Variants in IP6K3 observed in about 807,000 individuals in gnomAD.
The protein encoded by IP6K3 is inositol hexakisphosphate kinase 3, also known as ATP:1D-myo-inositol-hexakisphosphate phosphotransferase.
Under a neutral mutation model 28.8 loss-of-function variants are expected in IP6K3, and 20 were observed. That is an observed-to-expected ratio of 0.70 (90% CI 0.49 to 1.01). The LOEUF (loss-of-function observed/expected upper bound fraction) is 1.01, where lower values mean the gene tolerates loss of function less well. IP6K3 is among the 50% of genes least tolerant of loss of function. The probability of loss-of-function intolerance (pLI) is 0.00; values close to 1 mark genes in which losing one functional copy is unlikely to be tolerated. For missense variants in IP6K3, 480 were observed against 537.1 expected (o/e 0.89, Z 1.05); for synonymous variants, 213 against 221.3 (o/e 0.96, Z 0.33).
At chr6:33,724,594 G>C (rs74391566) in intron 5 of IP6K3, among the ~76,000 whole-genome samples, 1,580 of 152,310 alleles carry the variant, frequency 0.01, 25 homozygotes, top group South Asian at 0.035. Flanking sequence ...CAGGTTATGA[G>C]CTTCCCACTT....
chr6:33,733,406 C>T (rs1168055608), intron 2 of IP6K3, among the ~76,000 whole-genome samples: 2 of 152,078 alleles, frequency 1.3e-5, no homozygotes, highest in Non-Finnish European at 2.9e-5. Flanking sequence ...GGCTCATGGC[C>T]GTTGCAGATG....
rs1582198977 is a variant in IP6K3, at chr6:33,725,509, C to G, written c.697G>C (p.Ala233Pro). 3 of 1,613,812 alleles carry G rather than the reference C, an allele frequency of 1.9e-6. No individual in the cohort carries two copies. In the African/African-American group the frequency reaches 4.0e-5, roughly 22 times the overall value. Residue 233 changes from alanine (A) to proline (P), a missense_variant, in exon 5 of 6, where the codon GCC becomes CCC. By Grantham distance (27) the Ala-to-Pro change is conservative (BLOSUM62 -1). Transcript: ENST00000293756. Reference protein sequence around the residue: ...HGDDASEEKKARHMRKCAQST... With the variant: ...HGDDASEEKKPRHMRKCAQST... Reference sequence around the variant, plus strand: ...TGCGCACACTTCCTCATGTGGCGGGCCTTCTTCTCCTCCGATGCATCATCG... The same window carrying G: ...TGCGCACACTTCCTCATGTGGCGGGGCTTCTTCTCCTCCGATGCATCATCG...
At chr6:33,730,962 T>C (rs1766300480) in intron 2 of IP6K3, among the ~76,000 whole-genome samples, 1 of 151,972 alleles carries the variant, frequency 6.6e-6, no homozygotes, top group Non-Finnish European at 1.5e-5. Flanking sequence ...TCAGGGAGGG[T>C]CGTCAGCGCT....
upstream of IP6K3, among the ~76,000 whole-genome samples, chr6:33,748,365 A>G (rs1221833403): frequency 1.3e-5 from 2 of 151,760 alleles, no homozygotes; most frequent in Non-Finnish European, 2.9e-5. Flanking sequence ...GGTGGACTGA[A>G]CCCATTCTCC....
the IP6K3 span, among the ~76,000 whole-genome samples, chr6:33,757,964 G>A: frequency 6.6e-6 from 1 of 152,172 alleles, no homozygotes; most frequent in Non-Finnish European, 1.5e-5. Context: ...CTCAGATAAT[G>A]CCCTCCACCA....
At chr6:33,753,832 AGAGTCTCGCTGTGTC>A in the IP6K3 span, among the ~76,000 whole-genome samples, 1 of 151,748 alleles carries the variant, frequency 6.6e-6, no homozygotes, top group East Asian at 1.9e-4. Flanking sequence ...TTTTTGAGAC[AGAGTCTCGCTGTGTC>A]GTGCAGGCTG....
At position 33,730,515 on chromosome 6, in the gene IP6K3, C is replaced by A. The variant is rs147561117; in HGVS notation, c.200-2215G>T. Among the ~76,000 whole-genome samples, 499 of 152,312 alleles carry A rather than the reference C, an allele frequency of 3.3e-3. 2 individuals carry two copies. Among genetic ancestry groups the A allele is most frequent in the African/African-American group, 0.01 (428 of 41,568 alleles). The stretch of plus-strand genomic sequence containing the variant: ...CCTGAACCTGGCATTTTACCATTCA[C>A]CTGCCACTAGCGTCCACCCCTAGGC... On this transcript the variant is annotated intron_variant, in intron 2 of 5. Transcript: ENST00000293756.
chr6:33,754,910 T>A, the IP6K3 span, among the ~76,000 whole-genome samples: 1 of 152,208 alleles, frequency 6.6e-6, no homozygotes, highest in Non-Finnish European at 1.5e-5. Flanking sequence ...CCAGTAACTT[T>A]GTGAGGAAAG....
At position 33,735,400 on chromosome 6, in the gene IP6K3, C is replaced by G. The variant is rs1352148975; in HGVS notation, c.77G>C (p.Gly26Ala). 2 of 1,607,796 alleles carry G rather than the reference C, an allele frequency of 1.2e-6. No individual in the cohort carries two copies. The highest frequency in any genetic ancestry group is 1.1e-5 in the South Asian group (1 of 90,240). The change falls in exon 2 of 6, where the codon GGG (glycine) becomes GCG (alanine). Residue 26 changes from glycine to alanine, a missense_variant. Coordinates refer to ENST00000293756, the MANE Select transcript of IP6K3 (RefSeq NM_054111.5). ...ATACTTCATCACGCTCATGTGCCCC[C>G]CGACCTGGTGCAGGAAGGGCTCCAG... ...VQLEPFLHQVGGHMSVMKYDE... is the reference protein window; with the variant it reads ...VQLEPFLHQVAGHMSVMKYDE...
Position 33,722,500 on chromosome 6 carries a change from G to A in IP6K3, c.*220C>T, listed in dbSNP as rs1765936767. ...ACTTTATCCTGGCTGTCTGTTCTCC[G>A]ATGAGCAGCATTAGAGCATAATGCC... On this transcript the variant is annotated 3_prime_UTR_variant, in exon 6 of 6. Coordinates refer to ENST00000293756, the MANE Select transcript of IP6K3 (RefSeq NM_054111.5). 4 of 413,660 alleles carry A rather than the reference G, an allele frequency of 9.7e-6. No individual in the cohort carries two copies. The highest frequency in any genetic ancestry group is 9.6e-5 in the South Asian group (2 of 20,822). 25.6% of individuals were successfully genotyped at this position (413,660 alleles called of 1,614,324 possible). A position where few individuals can be genotyped will look rare whatever the true frequency, so the allele number is the denominator to read the frequency against.
chr6:33,739,450 C>G (rs13207666), intron 1 of IP6K3, among the ~76,000 whole-genome samples: 19,000 of 152,084 alleles, frequency 0.12, 1,585 homozygotes, highest in Middle Eastern at 0.22. Flanking sequence ...GTGGCTTCTG[C>G]CCCTGGAGCT....
At chr6:33,730,569 A>C (rs1766283648) in intron 2 of IP6K3, among the ~76,000 whole-genome samples, 1 of 152,184 alleles carries the variant, frequency 6.6e-6, no homozygotes, top group Non-Finnish European at 1.5e-5. Flanking sequence ...CCTGCTCGTG[A>C]GACAGGGGCT....
the IP6K3 span, among the ~76,000 whole-genome samples, chr6:33,756,056 G>T: frequency 2.1e-3 from 318 of 152,234 alleles, 8 homozygotes; most frequent in East Asian, 0.055. Context: ...TAGAGACAGG[G>T]TTTTGCCATG....
intron 1 of IP6K3, among the ~76,000 whole-genome samples, chr6:33,736,508 G>A (rs1766532102): frequency 6.6e-6 from 1 of 152,164 alleles, no homozygotes; most frequent in Non-Finnish European, 1.5e-5. Context: ...GGGTTCAAGC[G>A]ATTCTCCTGC....
intron 2 of IP6K3, among the ~76,000 whole-genome samples, chr6:33,732,464 TG>T (rs1766354708): frequency 6.6e-6 from 1 of 152,190 alleles, no homozygotes; most frequent in Non-Finnish European, 1.5e-5. Flanking sequence ...TGAATGACCC[TG>T]GGCAAGTCAC....
the IP6K3 span, among the ~76,000 whole-genome samples, chr6:33,754,681 C>T: frequency 2.6e-5 from 4 of 152,170 alleles, no homozygotes; most frequent in Non-Finnish European, 5.9e-5. Context: ...TCCCACTCCC[C>T]ATGGCCCCAT....
At chr6:33,730,198 G>T (rs1488150804) in intron 2 of IP6K3, among the ~76,000 whole-genome samples, 3 of 152,208 alleles carry the variant, frequency 2.0e-5, no homozygotes, top group Admixed American at 2.0e-4. Flanking sequence ...CAGCCGTGAA[G>T]GCGGCTCATC....
the IP6K3 span, among the ~76,000 whole-genome samples, chr6:33,761,756 G>A: frequency 6.6e-6 from 1 of 152,098 alleles, no homozygotes; most frequent in Non-Finnish European, 1.5e-5. Flanking sequence ...GGCCAAAGAG[G>A]GAGAAGCCTG....
intron 4 of IP6K3, 42 bp downstream of exon 4, chr6:33,726,688 GC>G: frequency 6.6e-7 from 1 of 1,513,314 alleles, no homozygotes; most frequent in Non-Finnish European, 9.0e-7. Flanking sequence ...TCTCTCTGTC[GC>G]CCCGCCCTTG....
Sources: gnomAD v4.1 joint callset for allele counts (sites outside exome capture counted in the v4.1 genomes callset) on GRCh38, gnomAD v4.1.1 for gene constraint, MANE v1.5 for transcripts, NCBI Gene and HGNC (gene_info 2026-07-23, HGNC 2026-07-21) for gene names.